Variants in NTRK2 observed in about 807,000 individuals in gnomAD.
The protein encoded by NTRK2 is BDNF/NT-3 growth factors receptor.
A neutral mutation model predicts 94.5 loss-of-function variants in NTRK2; 13 were observed. The observed-to-expected ratio is 0.14, with a 90% CI of 0.09 to 0.22. The LOEUF (loss-of-function observed/expected upper bound fraction) is 0.22. Ranked by LOEUF, NTRK2 falls within the 10% of genes least tolerant of loss-of-function variation. The probability of loss-of-function intolerance (pLI) is 1.00; values close to 1 mark genes in which losing one functional copy is unlikely to be tolerated. For missense variants in NTRK2, 639 were observed against 1,071.2 expected (o/e 0.60, Z 5.63); for synonymous variants, 372 against 407.4 (o/e 0.91, Z 1.05).
chr9:84,785,222 C>T (rs1045987711), intron 12 of NTRK2, among the ~76,000 whole-genome samples: 1 of 152,146 alleles, frequency 6.6e-6, no homozygotes, highest in Non-Finnish European at 1.5e-5. Context: ...CTCCTCCTCC[C>T]ACCCTCCATC....
At chr9:84,845,565 A>G (rs2074427200) in intron 12 of NTRK2, among the ~76,000 whole-genome samples, 1 of 152,158 alleles carries the variant, frequency 6.6e-6, no homozygotes, top group Non-Finnish European at 1.5e-5. Context: ...GTATAAATAT[A>G]TGCCATGGAA....
intron 14 of NTRK2, among the ~76,000 whole-genome samples, chr9:84,903,916 A>G (rs2077003688): frequency 6.6e-6 from 1 of 152,242 alleles, no homozygotes; most frequent in Non-Finnish European, 1.5e-5. Flanking sequence ...GTTCAAAACT[A>G]GTGAAACTAA....
At chr9:84,940,573 C>T (rs2078373212) in intron 15 of NTRK2, among the ~76,000 whole-genome samples, 2 of 152,304 alleles carry the variant, frequency 1.3e-5, no homozygotes, top group Admixed American at 1.3e-4. Context: ...AGTCTTCATG[C>T]CAGGACACCT....
At chr9:84,882,719 T>TGTGTGTGTGTGTGCGCGCGTGC (rs761042296) in intron 14 of NTRK2, among the ~76,000 whole-genome samples, 13 of 145,740 alleles carry the variant, frequency 8.9e-5, no homozygotes, top group African/African-American at 3.4e-4. Flanking sequence ...TGTGTGTGTG[T>TGTGTGTGTGTGTGCGCGCGTGC]GCGCGCGCGC....
chr9:84,830,534 CAT>C (rs1491375957), intron 12 of NTRK2, among the ~76,000 whole-genome samples: 4 of 143,240 alleles, frequency 2.8e-5, no homozygotes, highest in African/African-American at 8.5e-5. Flanking sequence ...TATGAGCATG[CAT>C]GCGTGTGTGT....
At chr9:84,951,142 ATTC>A (rs1588026344) in intron 16 of NTRK2, among the ~76,000 whole-genome samples, 2 of 152,126 alleles carry the variant, frequency 1.3e-5, no homozygotes, top group African/African-American at 4.8e-5. Flanking sequence ...GTGCAATTTA[ATTC>A]TTCTTTGCTG....
intron 12 of NTRK2, among the ~76,000 whole-genome samples, chr9:84,769,826 G>A (rs552444412): frequency 1.9e-4 from 29 of 152,254 alleles, no homozygotes; most frequent in African/African-American, 6.7e-4. Flanking sequence ...CTGTCAGGAA[G>A]TATTGATTGC....
intron 9 of NTRK2, among the ~76,000 whole-genome samples, chr9:84,731,730 G>T (rs1588224544): frequency 6.6e-6 from 1 of 152,186 alleles, no homozygotes; most frequent in African/African-American, 2.4e-5. Context: ...CAAGACAGCG[G>T]CAGCCCAGTC....
chr9:84,774,312 G>A (rs772503116), intron 12 of NTRK2, among the ~76,000 whole-genome samples: 48 of 152,112 alleles, frequency 3.2e-4, no homozygotes, highest in African/African-American at 1.1e-3. Flanking sequence ...ATGCTGCCCC[G>A]GCCAGTTTTC....
intron 9 of NTRK2, among the ~76,000 whole-genome samples, chr9:84,734,112 C>T (rs1401646926): frequency 1.3e-5 from 2 of 152,110 alleles, no homozygotes; most frequent in South Asian, 2.1e-4. Context: ...GAGTGTGAAG[C>T]GTGACTTTCC....
At chr9:84,845,753 C>A (rs2074437375) in intron 12 of NTRK2, among the ~76,000 whole-genome samples, 1 of 151,972 alleles carries the variant, frequency 6.6e-6, no homozygotes, top group Non-Finnish European at 1.5e-5. Context: ...ATATAATAGA[C>A]TGTGGGGACT....
At chr9:84,932,499 T>C (rs1479578720) in intron 14 of NTRK2, among the ~76,000 whole-genome samples, 2 of 152,166 alleles carry the variant, frequency 1.3e-5, no homozygotes, top group African/African-American at 4.8e-5. Context: ...TTTATTATTA[T>C]TATTTACTGC....
At chr9:85,009,361 C>A (rs1436569634) in intron 17 of NTRK2, among the ~76,000 whole-genome samples, 1 of 152,174 alleles carries the variant, frequency 6.6e-6, no homozygotes, top group African/African-American at 2.4e-5. Flanking sequence ...CTTCTTTCTG[C>A]AGTATTGGGA....
At chr9:84,924,425 C>T (rs1179860288) in intron 14 of NTRK2, among the ~76,000 whole-genome samples, 1 of 152,078 alleles carries the variant, frequency 6.6e-6, no homozygotes, top group African/African-American at 2.4e-5. Flanking sequence ...ACTGTCTGGC[C>T]CACCTGCCAG....
chr9:84,730,267 G>A (rs1458387654), intron 9 of NTRK2, among the ~76,000 whole-genome samples: 2 of 152,268 alleles, frequency 1.3e-5, no homozygotes, highest in Non-Finnish European at 2.9e-5. Flanking sequence ...ACTTGGCCCA[G>A]GGTGACAGTG....
chr9:84,717,854 G>T (rs1344595875), intron 6 of NTRK2, among the ~76,000 whole-genome samples: 1 of 152,068 alleles, frequency 6.6e-6, no homozygotes, highest in African/African-American at 2.4e-5. Context: ...TACAATCAAA[G>T]AACTGATTAT....
intron 12 of NTRK2, among the ~76,000 whole-genome samples, chr9:84,778,581 G>T (rs544336531): frequency 4.6e-5 from 7 of 152,218 alleles, no homozygotes; most frequent in Admixed American, 6.5e-5. Context: ...GCCTCTTCAA[G>T]AGACTTACCC....
chr9:84,815,094 G>A (rs1030631075), intron 12 of NTRK2: 11 of 1,057,836 alleles, frequency 1.0e-5, no homozygotes, highest in Non-Finnish European at 1.1e-5. Context: ...AATGACTGTC[G>A]CAGAAGGAAA....
intron 15 of NTRK2, among the ~76,000 whole-genome samples, chr9:84,939,512 G>A (rs975911313): frequency 3.3e-5 from 5 of 152,154 alleles, no homozygotes; most frequent in African/African-American, 1.2e-4. Context: ...ATAAAGGAGT[G>A]TGTTAGTTAT....
Sources: allele counts gnomAD v4.1 joint callset (sites outside exome capture counted in the v4.1 genomes callset), GRCh38; gene constraint gnomAD v4.1.1; transcripts MANE v1.5; gene names NCBI Gene and HGNC (gene_info 2026-07-23, HGNC 2026-07-21).